The following SENP7 variants were observed in gnomAD, a reference collection of about 807,000 sequenced individuals.
SENP7 encodes the protein sentrin-specific protease 7.
In SENP7, 64 loss-of-function variants were observed where a neutral mutation model predicts 141.2. The observed-to-expected ratio is 0.45, with a 90% CI of 0.37 to 0.56. SENP7 has a LOEUF of 0.56. Ranked by LOEUF, SENP7 falls within the 20% of genes least tolerant of loss-of-function variation. The pLI, the probability that SENP7 is intolerant of heterozygous loss-of-function variation, is 0.00. For synonymous variants in SENP7, 382 were observed against 426.4 expected (o/e 0.90, Z 1.28); for missense variants, 1,025 against 1,212.2 (o/e 0.85, Z 2.29).
At chr3:101,470,182 C>G (rs1051203782) in intron 3 of SENP7, among the ~76,000 whole-genome samples, 1 of 152,030 alleles carries the variant, frequency 6.6e-6, no homozygotes, top group Admixed American at 6.6e-5. Flanking sequence ...GAAGGAAGAG[C>G]AAACAAATTC....
At chr3:101,513,045 C>T in intron 1 of SENP7, 46 bp downstream of exon 1, 1 of 1,605,096 alleles carries the variant, frequency 6.2e-7, no homozygotes, top group Non-Finnish European at 8.5e-7. Flanking sequence ...CCCGTTTCCC[C>T]CGGGTAGGAG....
chr3:101,342,430 A>C (rs1401031547), intron 14 of SENP7, among the ~76,000 whole-genome samples: 1 of 152,204 alleles, frequency 6.6e-6, no homozygotes, highest in Non-Finnish European at 1.5e-5. Context: ...TTTAAAACTT[A>C]CTATTGTTTT....
chr3:101,367,822 C>T lies in SENP7; in HGVS notation c.978+8G>A. On this transcript the variant is annotated splice_region_variant and intron_variant, in intron 8 of 23. Coordinates refer to ENST00000394095, the MANE Select transcript of SENP7 (RefSeq NM_020654.5). ...TATTTCCTATAATATCTAAATACCT[C>T]TACTTACTGTCTGTTCTGTTGACTT... is the stretch of plus-strand genomic sequence containing the variant. 6.5e-7 allele frequency: 1 copy of T among 1,535,352 alleles called. No homozygotes were observed. The highest frequency in any genetic ancestry group is 8.9e-7 in the Non-Finnish European group (1 of 1,122,906).
intron 6 of SENP7, among the ~76,000 whole-genome samples, chr3:101,378,873 C>A (rs2060415219): frequency 6.6e-6 from 1 of 151,922 alleles, no homozygotes; most frequent in South Asian, 2.1e-4. Flanking sequence ...AGAAACCATG[C>A]AAGTAAGAAC....
At chr3:101,384,486 C>G (rs922574941) in intron 6 of SENP7, among the ~76,000 whole-genome samples, 2 of 152,220 alleles carry the variant, frequency 1.3e-5, no homozygotes, top group Admixed American at 6.5e-5. Flanking sequence ...CTGGGCACCA[C>G]CTCAATCCCC....
At chr3:101,430,001 G>A (rs925468896) in intron 4 of SENP7, among the ~76,000 whole-genome samples, 2 of 151,274 alleles carry the variant, frequency 1.3e-5, no homozygotes, top group Non-Finnish European at 2.9e-5. Context: ...ATTGATTTGT[G>A]TATGTTGAAC....
Position 101,332,817 on chromosome 3 carries a change from G to A in SENP7, c.2526C>T (p.His842=). ...TGTAATCTTTATTAAAAATGTTTAT[G>A]TGACGAGTCCATGTTCTTACTCTTT... ...RHKRVRTWTR[H]INIFNKDYIF... Residue 842 remains histidine (H), a synonymous_variant, in exon 18 of 24, where the codon CAC becomes CAT. Coordinates refer to ENST00000394095, the MANE Select transcript of SENP7 (RefSeq NM_020654.5). The A allele has an allele frequency of 6.4e-7, 1 of 1,567,452 alleles. No individual in the cohort carries two copies.
chr3:101,384,834 G>A (rs951438836), intron 6 of SENP7, among the ~76,000 whole-genome samples: 5 of 152,146 alleles, frequency 3.3e-5, no homozygotes, highest in African/African-American at 7.2e-5. Context: ...ACATCACCAC[G>A]ATTGTAAGCT....
At chr3:101,452,892 T>G (rs1337652285) in intron 4 of SENP7, among the ~76,000 whole-genome samples, 9 of 152,108 alleles carry the variant, frequency 5.9e-5, no homozygotes, top group African/African-American at 1.2e-4. Context: ...AAGAGCTTCT[T>G]TACAGCAAAA....
chr3:101,434,123 GA>G (rs1274392632), intron 4 of SENP7, among the ~76,000 whole-genome samples: 1 of 152,030 alleles, frequency 6.6e-6, no homozygotes, highest in Non-Finnish European at 1.5e-5. Flanking sequence ...TCAATAACAA[GA>G]GGAATTTTAG....
At chr3:101,497,549 T>A (rs1670464118) in intron 2 of SENP7, among the ~76,000 whole-genome samples, 1 of 150,190 alleles carries the variant, frequency 6.7e-6, no homozygotes, top group Non-Finnish European at 1.5e-5. Context: ...GTCACAAGGG[T>A]ACAGCCAACA....
At chr3:101,442,670 A>AT (rs894186630) in intron 4 of SENP7, among the ~76,000 whole-genome samples, 1 of 152,242 alleles carries the variant, frequency 6.6e-6, no homozygotes, top group Admixed American at 6.5e-5. Flanking sequence ...AATTCAGGAT[A>AT]TAAGTGAGAA....
chr3:101,365,853 T>C (rs1201445548), intron 9 of SENP7, among the ~76,000 whole-genome samples: 1 of 152,104 alleles, frequency 6.6e-6, no homozygotes, highest in Non-Finnish European at 1.5e-5. Context: ...TAAAAATGGA[T>C]AAAGCCATGA....
chr3:101,512,699 A>C (rs2065909842), intron 1 of SENP7, among the ~76,000 whole-genome samples: 1 of 152,198 alleles, frequency 6.6e-6, no homozygotes, highest in African/African-American at 2.4e-5. Flanking sequence ...GTCGAGAATC[A>C]AAGGAAGAGA....
chr3:101,470,380 G>A (rs558535176), intron 3 of SENP7, among the ~76,000 whole-genome samples: 3 of 152,224 alleles, frequency 2.0e-5, no homozygotes, highest in African/African-American at 2.4e-5. Context: ...AATGCATCAC[G>A]TAAACAGAAA....
intron 6 of SENP7, among the ~76,000 whole-genome samples, chr3:101,383,303 G>A (rs1053154164): frequency 2.0e-5 from 3 of 152,206 alleles, no homozygotes; most frequent in Non-Finnish European, 4.4e-5. Context: ...GGCAGCAGCA[G>A]CAGCCCATCT....
In SENP7 at chr3:101,513,098, A is replaced by G; in HGVS notation, c.33T>C (p.Ser11=). The part of the protein sequence containing the change: MDKRKLGRRP[S]SSEIITEGKR... The stretch of plus-strand genomic sequence containing the variant: ...TCTCTGACCCTTTCTCACCGGATGA[A>G]GATGGCCGTCGCCCGAGCTTTCTCT... The change falls in exon 1 of 24, where the codon TCT becomes TCC. Residue 11 remains serine (S), a synonymous_variant. Transcript: ENST00000394095. 6.2e-7 allele frequency: 1 copy of G among 1,613,744 alleles called. No homozygotes were observed. The highest frequency in any genetic ancestry group is 8.5e-7 in the Non-Finnish European group (1 of 1,179,902).
intron 3 of SENP7, among the ~76,000 whole-genome samples, chr3:101,469,110 CAAAG>C (rs2063876978): frequency 6.6e-6 from 1 of 151,920 alleles, no homozygotes; most frequent in African/African-American, 2.4e-5. Context: ...GATCAAGAGA[CAAAG>C]AAGGCCATTA....
In SENP7 at chr3:101,444,843, G is replaced by A. The variant is rs536681864; in HGVS notation, c.284+14112C>T. Among the ~76,000 whole-genome samples, 150 of 151,910 alleles carry A rather than the reference G, an allele frequency of 9.9e-4. 2 individuals carry two copies. Among genetic ancestry groups the A allele is most frequent in the African/African-American group, 3.3e-3 (136 of 41,442 alleles). ...ACCAGCATGGCACACGTATACATAT[G>A]TAACTAACCTGCACATTGTGCACAT... On this transcript the variant is annotated intron_variant, in intron 4 of 23. Transcript: ENST00000394095.
Sources: allele counts gnomAD v4.1 joint callset (sites outside exome capture counted in the v4.1 genomes callset), GRCh38; gene constraint gnomAD v4.1.1; transcripts MANE v1.5; gene names NCBI Gene and HGNC (gene_info 2026-07-23, HGNC 2026-07-21).